The following PGM5 variants were observed in gnomAD, a reference collection of about 807,000 sequenced individuals.
The protein encoded by PGM5 is phosphoglucomutase 5.
Under a neutral mutation model 59.2 loss-of-function variants are expected in PGM5, and 23 were observed. The observed-to-expected ratio is 0.39, with a 90% CI of 0.28 to 0.55. PGM5 has a LOEUF of 0.55. Ranked by LOEUF, PGM5 falls within the 20% of genes least tolerant of loss-of-function variation. The probability of loss-of-function intolerance (pLI) is 0.66; values close to 1 mark genes in which losing one functional copy is unlikely to be tolerated. For missense variants in PGM5, 574 were observed against 748.3 expected (o/e 0.77, Z 2.72); for synonymous variants, 214 against 286.0 (o/e 0.75, Z 2.54).
At chr9:68,382,904 A>G (rs1365830462) in intron 2 of PGM5, among the ~76,000 whole-genome samples, 2 of 151,952 alleles carry the variant, frequency 1.3e-5, no homozygotes, top group Admixed American at 1.3e-4. Flanking sequence ...AAAATGATGG[A>G]CACAGCCAAA....
chr9:68,383,368 A>G (rs1365983220), intron 2 of PGM5, among the ~76,000 whole-genome samples: 9 of 152,122 alleles, frequency 5.9e-5, no homozygotes, highest in African/African-American at 2.2e-4. Context: ...TTATTATACC[A>G]TGTCATCAAT....
At chr9:68,515,343 G>A (rs1461853208) in intron 10 of PGM5, among the ~76,000 whole-genome samples, 1 of 152,152 alleles carries the variant, frequency 6.6e-6, no homozygotes, top group Admixed American at 6.5e-5. Flanking sequence ...GTTAATGACT[G>A]TCCCACTACT....
intron 6 of PGM5, chr9:68,426,797 A>G (rs1823246629): frequency 6.6e-6 from 1 of 152,210 alleles, no homozygotes; most frequent in South Asian, 2.1e-4. Context: ...GAAGTCAGCC[A>G]GAAAGATTCA....
At chr9:68,424,326 C>T (rs1471162240) in intron 6 of PGM5, among the ~76,000 whole-genome samples, 4 of 152,078 alleles carry the variant, frequency 2.6e-5, no homozygotes, top group African/African-American at 9.7e-5. Context: ...CTGAGAAGTC[C>T]AAAATCAAGG....
intron 1 of PGM5, among the ~76,000 whole-genome samples, chr9:68,364,660 G>A (rs1229982758): frequency 6.6e-6 from 1 of 152,166 alleles, no homozygotes; most frequent in Non-Finnish European, 1.5e-5. Flanking sequence ...CCATCCCCAG[G>A]TTGTGGAATT....
intron 7 of PGM5, among the ~76,000 whole-genome samples, chr9:68,474,361 C>A (rs1363797313): frequency 6.6e-6 from 1 of 152,092 alleles, no homozygotes; most frequent in Admixed American, 6.5e-5. Flanking sequence ...GCATGGGATG[C>A]TTTATTGAGC....
intron 6 of PGM5, among the ~76,000 whole-genome samples, chr9:68,460,058 A>G (rs1256199382): frequency 6.6e-5 from 10 of 152,206 alleles, no homozygotes; most frequent in African/African-American, 9.7e-5. Context: ...ATTTGAAGAT[A>G]GAGGAATGGA....
At chr9:68,449,594 A>G (rs2132069015) in intron 6 of PGM5, among the ~76,000 whole-genome samples, 1 of 152,270 alleles carries the variant, frequency 6.6e-6, no homozygotes, top group African/African-American at 2.4e-5. Context: ...TGATAGCTGC[A>G]TTTATGGAGT....
chr9:68,479,619 A>G (rs1453092778), intron 8 of PGM5, 66 bp downstream of exon 8: 1 of 1,528,522 alleles, frequency 6.5e-7, no homozygotes, highest in Non-Finnish European at 8.9e-7. Flanking sequence ...GGTTTCTAAA[A>G]CTGATGGGCT....
Position 68,391,632 on chromosome 9 carries a change from C to G in PGM5, c.796C>G (p.His266Asp). ...CVPLEDFGGQ[H>D]PDPNLTYATT... ...TCCCCTGGAAGACTTTGGAGGGCAG[C>G]ACCCTGACCCAAACCTGACATATGC... The change falls in exon 5 of 11, where the codon CAC becomes GAC. Residue 266 changes from histidine to aspartate, a missense_variant. Physicochemically the swap from His to Asp is moderately conservative, Grantham distance 81. Transcript: ENST00000396396. The G allele has an allele frequency of 2.5e-6, 4 of 1,613,354 alleles. No individual in the cohort carries two copies. The Middle Eastern group carries it at 6.6e-4, about 267-fold the overall frequency.
intron 8 of PGM5, 89 bp downstream of exon 8, chr9:68,479,642 AG>A (rs1554686956): frequency 6.5e-6 from 9 of 1,392,432 alleles, no homozygotes; most frequent in African/African-American, 1.4e-5. Flanking sequence ...AACCTTAAAA[AG>A]GAGGCATCAG....
intron 9 of PGM5, among the ~76,000 whole-genome samples, chr9:68,492,864 C>A (rs1209076896): frequency 6.6e-6 from 1 of 152,088 alleles, no homozygotes; most frequent in Non-Finnish European, 1.5e-5. Context: ...GGCTGCATGC[C>A]CACTTCTACA....
chr9:68,490,069 G>T (rs1824364993), intron 9 of PGM5, among the ~76,000 whole-genome samples: 1 of 152,240 alleles, frequency 6.6e-6, no homozygotes, highest in Non-Finnish European at 1.5e-5. Flanking sequence ...GCAAGAAGGT[G>T]TCTGCTCTTT....
chr9:68,506,524 T>C (rs560568942), intron 10 of PGM5, among the ~76,000 whole-genome samples: 1 of 152,204 alleles, frequency 6.6e-6, no homozygotes, highest in East Asian at 1.9e-4. Flanking sequence ...TAAAAGTGAA[T>C]AGCGTCTTAA....
chr9:68,420,065 C>T (rs1554682246), intron 6 of PGM5, among the ~76,000 whole-genome samples: 1 of 152,160 alleles, frequency 6.6e-6, no homozygotes. Flanking sequence ...ATCAAGGTAT[C>T]ATCAAGCTGA....
At chr9:68,407,204 C>G (rs1554681217) in intron 6 of PGM5, among the ~76,000 whole-genome samples, 1 of 152,118 alleles carries the variant, frequency 6.6e-6, no homozygotes, top group Non-Finnish European at 1.5e-5. Flanking sequence ...AATCACAGCT[C>G]ACTACAATGA....
At chr9:68,453,674 C>T (rs1823731272) in intron 6 of PGM5, among the ~76,000 whole-genome samples, 1 of 152,204 alleles carries the variant, frequency 6.6e-6, no homozygotes, top group Admixed American at 6.5e-5. Context: ...CATGTATTTG[C>T]TTCCACTGGT....
At chr9:68,454,981 A>G (rs1395284350) in intron 6 of PGM5, among the ~76,000 whole-genome samples, 11 of 152,176 alleles carry the variant, frequency 7.2e-5, no homozygotes, top group African/African-American at 2.7e-4. Flanking sequence ...TTAAACTCAA[A>G]CCTGGGTGAC....
intron 6 of PGM5, 121 bp from the exon 7 acceptor site, chr9:68,464,972 C>T: frequency 1.7e-6 from 1 of 598,726 alleles, no homozygotes; most frequent in Non-Finnish European, 3.0e-6. Flanking sequence ...GTCAACACTA[C>T]CCAGGTTGTT....
Sources: gnomAD v4.1 joint callset for allele counts (sites outside exome capture counted in the v4.1 genomes callset) on GRCh38, gnomAD v4.1.1 for gene constraint, MANE v1.5 for transcripts, NCBI Gene and HGNC (gene_info 2026-07-23, HGNC 2026-07-21) for gene names.